The following EPC2 variants were observed in gnomAD, a reference collection of about 807,000 sequenced individuals.
The protein encoded by EPC2 is enhancer of polycomb homolog 2.
EPC2 carries 14 observed loss-of-function variants against 92.1 expected under a neutral mutation model. The observed-to-expected ratio is 0.15, with a 90% CI of 0.10 to 0.24. The LOEUF (loss-of-function observed/expected upper bound fraction) is 0.24, where lower values mean the gene tolerates loss of function less well. Ranked by LOEUF, EPC2 falls within the 10% of genes least tolerant of loss-of-function variation. The pLI is 1.00. For missense variants in EPC2, 755 were observed against 971.5 expected (o/e 0.78, Z 2.96); for synonymous variants, 340 against 334.7 (o/e 1.02, Z -0.17).
chr2:148,671,585 G>C (rs1432202478), intron 1 of EPC2, among the ~76,000 whole-genome samples: 1 of 152,124 alleles, frequency 6.6e-6, no homozygotes, highest in Non-Finnish European at 1.5e-5. Context: ...CTGCATTCCA[G>C]CCTGGGCAAC....
intron 10 of EPC2, 87 bp downstream of exon 10, chr2:148,771,474 A>T: frequency 3.1e-6 from 4 of 1,283,380 alleles, no homozygotes; most frequent in Non-Finnish European, 4.3e-6. Context: ...AACCTACTTA[A>T]TTTTTTTTCC....
At chr2:148,770,541 A>C (rs989449671) in intron 8 of EPC2, among the ~76,000 whole-genome samples, 2 of 152,228 alleles carry the variant, frequency 1.3e-5, no homozygotes, top group Non-Finnish European at 2.9e-5. Flanking sequence ...TTTAAGTATA[A>C]TAGACCCTAA....
chr2:148,727,627 G>A (rs1489129874), intron 2 of EPC2, among the ~76,000 whole-genome samples: 3 of 152,102 alleles, frequency 2.0e-5, no homozygotes, highest in African/African-American at 4.8e-5. Context: ...TTAAGCTAAG[G>A]TATTGCCTGA....
At chr2:148,715,532 G>A (rs1682241616) in intron 2 of EPC2, among the ~76,000 whole-genome samples, 1 of 152,098 alleles carries the variant, frequency 6.6e-6, no homozygotes, top group Non-Finnish European at 1.5e-5. Context: ...TCAGGTGGTT[G>A]TATGTATGTG....
intron 3 of EPC2, among the ~76,000 whole-genome samples, chr2:148,747,181 C>T (rs1457500642): frequency 6.6e-6 from 1 of 151,958 alleles, no homozygotes; most frequent in Non-Finnish European, 1.5e-5. Flanking sequence ...ACCCTATTGA[C>T]CTTTCACTGC....
At chr2:148,728,117 A>G (rs1191962712) in intron 2 of EPC2, among the ~76,000 whole-genome samples, 2 of 152,068 alleles carry the variant, frequency 1.3e-5, no homozygotes, top group Non-Finnish European at 2.9e-5. Flanking sequence ...AGCCTCCCCA[A>G]CAGCTAGAAT....
intron 2 of EPC2, among the ~76,000 whole-genome samples, chr2:148,716,844 ATT>A: frequency 6.6e-6 from 1 of 152,136 alleles, no homozygotes; most frequent in Non-Finnish European, 1.5e-5. Flanking sequence ...CTCTGGTATA[ATT>A]TAGCTGTGAA....
intron 2 of EPC2, among the ~76,000 whole-genome samples, chr2:148,721,890 C>CTTTTTTTT: frequency 0.01 from 619 of 60,704 alleles, 30 homozygotes; most frequent in African/African-American, 0.016. Context: ...GTTTTGATTT[C>CTTTTTTTT]TTTTTTTTTT....
At chr2:148,782,599 G>A (rs889706108) in intron 11 of EPC2, among the ~76,000 whole-genome samples, 5 of 151,924 alleles carry the variant, frequency 3.3e-5, no homozygotes, top group African/African-American at 1.2e-4. Flanking sequence ...GCCACTAGGG[G>A]AAGTTGTTTG....
intron 6 of EPC2, among the ~76,000 whole-genome samples, chr2:148,763,895 T>C (rs2105424973): frequency 6.6e-6 from 1 of 152,330 alleles, no homozygotes; most frequent in Admixed American, 6.5e-5. Context: ...TCAGCCTTTA[T>C]TATATATTGA....
chr2:148,750,924 T>C (rs1041540196), intron 3 of EPC2, among the ~76,000 whole-genome samples: 11 of 152,120 alleles, frequency 7.2e-5, no homozygotes, highest in African/African-American at 1.9e-4. Flanking sequence ...CTGAACACAG[T>C]ATAGGCAGTC....
At chr2:148,691,975 G>A (rs1021308287) in intron 2 of EPC2, 3 of 362,964 alleles carry the variant, frequency 8.3e-6, no homozygotes, top group Admixed American at 3.8e-5. Flanking sequence ...TTAATTGATG[G>A]CAGTTTAGAT....
rs1683470680 is a variant in EPC2 at position 148,769,213 on chromosome 2, A to T, written c.1203A>T (p.Arg401Ser). Reference sequence around the variant, plus strand: ...ATCCTGATGGTCCCTGTGCTTTCAGAAGGCGGGCAGGATGCCAGTATTATG... The same window carrying T: ...ATCCTGATGGTCCCTGTGCTTTCAGTAGGCGGGCAGGATGCCAGTATTATG... ...ENDPDGPCAFRRRAGCQYYAP... is the reference protein window; with the variant it reads ...ENDPDGPCAFSRRAGCQYYAP... Residue 401 changes from arginine (R) to serine (S), a missense_variant, in exon 8 of 14, where the codon AGA becomes AGT. By Grantham distance (110) the Arg-to-Ser change is moderately radical (BLOSUM62 -1). Around this residue, in one of 4 missense-constraint regions of EPC2, gnomAD observed 509 missense variants for 607.7 expected, o/e 0.84. Coordinates refer to ENST00000258484, the MANE Select transcript of EPC2 (RefSeq NM_015630.4). 6.2e-7 allele frequency: 1 copy of T among 1,611,972 alleles called. No individual in the cohort carries two copies. The highest frequency in any genetic ancestry group is 1.1e-5 in the South Asian group (1 of 90,414).
At chr2:148,741,644 A>G (rs1682881407) in intron 2 of EPC2, among the ~76,000 whole-genome samples, 2 of 152,206 alleles carry the variant, frequency 1.3e-5, no homozygotes, top group South Asian at 4.1e-4. Flanking sequence ...CGCTGCACAG[A>G]CAGCCTCTAT....
At chr2:148,750,974 A>G (rs1181793897) in intron 3 of EPC2, among the ~76,000 whole-genome samples, 2 of 152,098 alleles carry the variant, frequency 1.3e-5, no homozygotes, top group African/African-American at 4.8e-5. Context: ...GTATCTTATT[A>G]CAGTAATGCT....
intron 1 of EPC2, among the ~76,000 whole-genome samples, chr2:148,656,024 TGGG>T (rs71411354): frequency 8.1e-5 from 9 of 111,708 alleles, no homozygotes; most frequent in South Asian, 2.6e-4. Context: ...TGTGTGTGTG[TGGG>T]GGGGGGGGGG....
chr2:148,744,900 TA>T (rs952093203), intron 3 of EPC2, among the ~76,000 whole-genome samples: 20 of 149,504 alleles, frequency 1.3e-4, no homozygotes, highest in Non-Finnish European at 2.7e-4. Context: ...CCCTACAACT[TA>T]AATCTTTTAA....
intron 1 of EPC2, among the ~76,000 whole-genome samples, chr2:148,659,039 A>G (rs1022224595): frequency 6.6e-6 from 1 of 152,046 alleles, no homozygotes; most frequent in Admixed American, 6.6e-5. Flanking sequence ...AGAAAACTAG[A>G]GACAAAACTA....
Position 148,769,200 on chromosome 2 carries a change from C to G in EPC2, c.1190C>G (p.Pro397Arg). Residue 397 changes from proline to arginine, a missense_variant, in exon 8 of 14, where the codon CCC becomes CGC. This residue lies in a region of EPC2 where 509 missense variants were observed against 607.7 expected (regional missense o/e 0.84). Transcript: ENST00000258484. ...EPEEENDPDG[P>R]CAFRRRAGCQ... ...GAAGAAGAAAATGATCCTGATGGTC[C>G]CTGTGCTTTCAGAAGGCGGGCAGGA... 6.2e-7 allele frequency: 1 copy of G among 1,612,542 alleles called. No individual in the cohort carries two copies. The highest frequency in any genetic ancestry group is 8.5e-7 in the Non-Finnish European group (1 of 1,179,356).
Sources: gnomAD v4.1 joint callset for allele counts (sites outside exome capture counted in the v4.1 genomes callset) on GRCh38, gnomAD v4.1.1 for gene constraint, gnomAD v4.1.1 regional missense constraint, MANE v1.5 for transcripts, NCBI Gene and HGNC (gene_info 2026-07-23, HGNC 2026-07-21) for gene names.